Variants in AFAP1 observed in about 807,000 individuals in gnomAD.
AFAP1 encodes actin filament-associated protein 1.
Under a neutral mutation model 93.9 loss-of-function variants are expected in AFAP1, and 75 were observed. The observed-to-expected ratio is 0.80, with a 90% CI of 0.66 to 0.97. AFAP1 has a LOEUF of 0.97. AFAP1 is among the 50% of genes least tolerant of loss of function. AFAP1 has a pLI of 0.00. For synonymous variants in AFAP1, 517 were observed against 430.7 expected (o/e 1.20, Z -2.48); for missense variants, 1,201 against 1,050.8 (o/e 1.14, Z -1.98).
At chr4:7,778,946 T>TC in intron 13 of AFAP1, 70 bp from the exon 14 acceptor site, 1 of 1,181,618 alleles carries the variant, frequency 8.5e-7, no homozygotes, top group Non-Finnish European at 1.2e-6. Context: ...CTTTTTTTTT[T>TC]CTGGAGTCAT....
chr4:7,811,769 C>G (rs1184724590), intron 8 of AFAP1, among the ~76,000 whole-genome samples: 1 of 152,152 alleles, frequency 6.6e-6, no homozygotes, highest in Non-Finnish European at 1.5e-5. Flanking sequence ...TCTTGGACTT[C>G]CAGCCTCCAG....
chr4:7,782,609 C>T (rs1716886557), intron 12 of AFAP1, among the ~76,000 whole-genome samples: 1 of 152,196 alleles, frequency 6.6e-6, no homozygotes, highest in South Asian at 2.1e-4. Context: ...AACTGATAAC[C>T]ACAGCCAGGG....
chr4:7,771,742 GGGTTTGT>G (rs939632691), intron 16 of AFAP1, among the ~76,000 whole-genome samples: 22 of 152,306 alleles, frequency 1.4e-4, no homozygotes, highest in African/African-American at 5.3e-4. Flanking sequence ...ATGAGTGGCT[GGGTTTGT>G]GGTTTGGGGA....
intron 1 of AFAP1, among the ~76,000 whole-genome samples, chr4:7,901,470 C>T (rs1403545109): frequency 1.3e-5 from 2 of 152,232 alleles, no homozygotes; most frequent in African/African-American, 2.4e-5. Context: ...CAGGCTGCAG[C>T]GGCAAGCAAG....
chr4:7,787,787 G>T (rs1038051331), intron 11 of AFAP1, among the ~76,000 whole-genome samples: 1 of 152,138 alleles, frequency 6.6e-6, no homozygotes, highest in African/African-American at 2.4e-5. Flanking sequence ...CCAGGGCCTC[G>T]GGGCTCCGAG....
At chr4:7,790,491 A>G (rs1717765844) in intron 11 of AFAP1, among the ~76,000 whole-genome samples, 1 of 152,210 alleles carries the variant, frequency 6.6e-6, no homozygotes, top group African/African-American at 2.4e-5. Context: ...TTTCTCTTAA[A>G]TGTGGTTATC....
At chr4:7,932,551 G>A (rs891777214) in intron 1 of AFAP1, among the ~76,000 whole-genome samples, 6 of 152,234 alleles carry the variant, frequency 3.9e-5, no homozygotes, top group Middle Eastern at 6.8e-3. Context: ...TTCCCCATAT[G>A]GGTGTTTCTT....
intron 1 of AFAP1, among the ~76,000 whole-genome samples, chr4:7,878,764 G>A (rs1269477516): frequency 6.6e-6 from 1 of 152,140 alleles, no homozygotes; most frequent in Non-Finnish European, 1.5e-5. Context: ...TGGAGAAACT[G>A]GTACTAAGAA....
rs941933764 is a variant in AFAP1 at position 7,863,889 on chromosome 4, T to C, written c.225+4733A>G. ...GCTTCAACGCATGGGAAATAGAACC[T>C]AGCTGAAGTAAATTGTACACTAAAA... On this transcript the variant is annotated intron_variant, in intron 3 of 17. Coordinates refer to ENST00000420658, the MANE Select transcript of AFAP1 (RefSeq NM_001134647.2). 3.3e-5 allele frequency among the ~76,000 whole-genome samples: 5 copies of C among 152,204 alleles called. No individual in the cohort carries two copies. In the South Asian group the frequency reaches 8.3e-4, roughly 25 times the overall value.
intron 11 of AFAP1, among the ~76,000 whole-genome samples, chr4:7,790,546 T>C (rs1166394196): frequency 6.6e-6 from 1 of 152,170 alleles, no homozygotes; most frequent in Non-Finnish European, 1.5e-5. Flanking sequence ...GTAGGATAGG[T>C]TTTTATGGAA....
At chr4:7,916,536 G>C (rs1010527875) in intron 1 of AFAP1, among the ~76,000 whole-genome samples, 1 of 152,118 alleles carries the variant, frequency 6.6e-6, no homozygotes, top group African/African-American at 2.4e-5. Flanking sequence ...AGCGAAACCA[G>C]CATCAAGTCC....
rs1195341810 is a variant in AFAP1 at position 7,863,945 on chromosome 4, CA to C, written c.225+4676del. Among the ~76,000 whole-genome samples, 11 of 152,210 alleles carry C rather than the reference CA, an allele frequency of 7.2e-5. 1 individual carries two copies. The highest frequency in any genetic ancestry group is 5.9e-5 in the Non-Finnish European group (4 of 68,038). ...CTTCAATGGCTTACTGTTGCTTTCACAACCCATTCCCAACTTCCCATCACAA... is the reference window on the plus strand; with the variant it reads ...CTTCAATGGCTTACTGTTGCTTTCACACCCATTCCCAACTTCCCATCACAA... On this transcript the variant is annotated intron_variant, in intron 3 of 17. Coordinates refer to ENST00000420658, the MANE Select transcript of AFAP1 (RefSeq NM_001134647.2).
At position 7,763,030 on chromosome 4, in the gene AFAP1, T is replaced by A. The variant is rs756915478; in HGVS notation, c.*735A>T. On this transcript the variant is annotated 3_prime_UTR_variant, in exon 18 of 18. Transcript: ENST00000420658. ...GTCAAAAGCAGCACAAATAATTAAT[T>A]AATAAAATAAGGAACCTCTGAAAAC... 1.3e-5 allele frequency: 2 copies of A among 151,810 alleles called. No individual in the cohort carries two copies. Among genetic ancestry groups the A allele is most frequent in the South Asian group, 2.1e-4 (1 of 4,822 alleles). 9.4% of individuals were successfully genotyped at this position (151,810 alleles called of 1,614,324 possible).
intron 8 of AFAP1, among the ~76,000 whole-genome samples, chr4:7,812,000 G>C (rs918499699): frequency 1.5e-5 from 2 of 133,786 alleles, no homozygotes; most frequent in Non-Finnish European, 3.1e-5. Flanking sequence ...ATAAAGCGCC[G>C]AGACTGGCTT....
At chr4:7,891,324 C>T (rs1490104709) in intron 1 of AFAP1, among the ~76,000 whole-genome samples, 2 of 152,192 alleles carry the variant, frequency 1.3e-5, no homozygotes, top group Non-Finnish European at 2.9e-5. Context: ...GGAGAATGTT[C>T]TCCGTCTTCA....
intron 1 of AFAP1, among the ~76,000 whole-genome samples, chr4:7,917,980 T>A (rs886669181): frequency 6.6e-6 from 1 of 152,236 alleles, no homozygotes; most frequent in South Asian, 2.1e-4. Context: ...ATGGGACTTG[T>A]CTTTGGTAAC....
chr4:7,913,679 A>G (rs1719903223), intron 1 of AFAP1, among the ~76,000 whole-genome samples: 1 of 152,332 alleles, frequency 6.6e-6, no homozygotes, highest in African/African-American at 2.4e-5. Flanking sequence ...TATTACATAA[A>G]AAAGTCATCA....
At chr4:7,812,295 G>T (rs11724590) in intron 8 of AFAP1, among the ~76,000 whole-genome samples, 15,763 of 151,598 alleles carry the variant, frequency 0.1, 1,369 homozygotes, top group East Asian at 0.49. Context: ...AGATAATGTG[G>T]CCCCCCCCAG....
intron 10 of AFAP1, among the ~76,000 whole-genome samples, chr4:7,795,248 G>A (rs951473203): frequency 2.6e-5 from 4 of 151,986 alleles, no homozygotes; most frequent in Admixed American, 2.6e-4. Context: ...AGGCCATGAG[G>A]ACAAAGGGAA....
Sources: allele counts gnomAD v4.1 joint callset (sites outside exome capture counted in the v4.1 genomes callset), GRCh38; gene constraint gnomAD v4.1.1; transcripts MANE v1.5; gene names NCBI Gene and HGNC (gene_info 2026-07-23, HGNC 2026-07-21).